PPM1H: variants seen among roughly 807,000 people sequenced by gnomAD.
PPM1H encodes the protein protein phosphatase, Mg2+/Mn2+ dependent 1H, also known as protein phosphatase 1H.
PPM1H carries 27 observed loss-of-function variants against 54.9 expected under a neutral mutation model. The ratio of observed to expected loss-of-function variants is 0.49; its 90% CI spans 0.36 to 0.68. The LOEUF is 0.68. Among genes scored for constraint, PPM1H ranks in the 30% least tolerant of loss-of-function variants. The probability of loss-of-function intolerance (pLI) is 0.00; values close to 1 mark genes in which losing one functional copy is unlikely to be tolerated. For synonymous variants in PPM1H, 305 were observed against 270.8 expected (o/e 1.13, Z -1.24); for missense variants, 596 against 667.8 (o/e 0.89, Z 1.19).
intron 9 of PPM1H, among the ~76,000 whole-genome samples, chr12:62,660,597 G>A (rs1395373069): frequency 6.6e-6 from 1 of 152,180 alleles, no homozygotes; most frequent in Non-Finnish European, 1.5e-5. Context: ...GGAAAGGACA[G>A]TCTCTTCAAT....
chr12:62,727,688 TCTCA>T (rs1345582517), intron 5 of PPM1H, among the ~76,000 whole-genome samples: 1 of 138,282 alleles, frequency 7.2e-6, no homozygotes, highest in Non-Finnish European at 1.6e-5. Flanking sequence ...TGAGGTGGAT[TCTCA>T]CTCTGTTGCC....
chr12:62,778,930 G>A lies in PPM1H; in HGVS notation c.869+9296C>T, dbSNP rs540497781. On this transcript the variant is annotated intron_variant, in intron 4 of 9. Coordinates refer to ENST00000228705, the MANE Select transcript of PPM1H (RefSeq NM_020700.2). ...TTGTGACAGAGTAAGACTCTGTCTC[G>A]AAAGGAAAGGAAAAAGGAAAGAAAA... Among the ~76,000 whole-genome samples the A allele has an allele frequency of 3.0e-3, 451 of 151,314 alleles. 9 individuals carry two copies. Among genetic ancestry groups the A allele is most frequent in the Admixed American group, 0.027 (408 of 15,180 alleles).
At position 62,912,375 on chromosome 12, in the gene PPM1H, G is replaced by A. The variant is rs150306155; in HGVS notation, c.245+22117C>T. On this transcript the variant is annotated intron_variant, in intron 1 of 9. Coordinates refer to ENST00000228705, the MANE Select transcript of PPM1H (RefSeq NM_020700.2). Reference sequence around the variant, plus strand: ...GATGTTTATTTTTCATTCACTCTACGCGTCCATTTCAGGTTGGCTCCGTGT... The same window carrying A: ...GATGTTTATTTTTCATTCACTCTACACGTCCATTTCAGGTTGGCTCCGTGT... Among the ~76,000 whole-genome samples the A allele has an allele frequency of 9.2e-5, 14 of 152,144 alleles. No individual in the cohort carries two copies. The East Asian group carries it at 1.4e-3, about 15-fold the overall frequency.
At chr12:62,720,531 T>C (rs1284215534) in intron 5 of PPM1H, 9 of 468,618 alleles carry the variant, frequency 1.9e-5, no homozygotes, top group Non-Finnish European at 3.5e-5. Flanking sequence ...ACCAAATGCA[T>C]AGCTGAAGGG....
chr12:62,874,746 T>C (rs1474649518), intron 1 of PPM1H, among the ~76,000 whole-genome samples: 1 of 152,250 alleles, frequency 6.6e-6, no homozygotes. Context: ...CAAATGTCTT[T>C]TTCTTTCAAA....
intron 7 of PPM1H, among the ~76,000 whole-genome samples, chr12:62,690,173 G>C (rs987343911): frequency 6.6e-6 from 1 of 151,660 alleles, no homozygotes; most frequent in African/African-American, 2.4e-5. Flanking sequence ...AGGATTGATC[G>C]ATCCATCCAT....
chr12:62,755,877 T>TGGGCAAGGTC (rs2076471264), intron 4 of PPM1H: 5 of 784,274 alleles, frequency 6.4e-6, no homozygotes, highest in African/African-American at 3.4e-5. Context: ...GCTAAGGTTG[T>TGGGCAAGGTC]GGGCAAGGTC....
At chr12:62,829,655 T>C (rs541077634) in intron 2 of PPM1H, among the ~76,000 whole-genome samples, 1 of 152,306 alleles carries the variant, frequency 6.6e-6, no homozygotes, top group East Asian at 1.9e-4. Context: ...GCTGGTCCCT[T>C]GCTCTTGAAG....
intron 1 of PPM1H, among the ~76,000 whole-genome samples, chr12:62,882,465 C>T (rs1248231375): frequency 6.6e-6 from 1 of 152,258 alleles, no homozygotes; most frequent in Non-Finnish European, 1.5e-5. Context: ...AAAGCCCCTC[C>T]AGTCCCAGAT....
chr12:62,755,381 G>A, intron 4 of PPM1H: 1 of 795,378 alleles, frequency 1.3e-6, no homozygotes, highest in Non-Finnish European at 2.2e-6. Flanking sequence ...GATTTTGTCT[G>A]TGGCAAATTC....
chr12:62,897,670 T>A (rs893061950), intron 1 of PPM1H, among the ~76,000 whole-genome samples: 3 of 152,124 alleles, frequency 2.0e-5, no homozygotes, highest in Admixed American at 2.0e-4. Context: ...ACACCCAGCC[T>A]TGGCATGGCA....
chr12:62,883,111 G>A (rs1336172186), intron 1 of PPM1H, among the ~76,000 whole-genome samples: 2 of 152,122 alleles, frequency 1.3e-5, no homozygotes, highest in Non-Finnish European at 2.9e-5. Flanking sequence ...CCAGCACCTA[G>A]CCCTGAATCT....
intron 1 of PPM1H, among the ~76,000 whole-genome samples, chr12:62,851,769 C>A (rs1440729267): frequency 3.3e-5 from 5 of 151,944 alleles, no homozygotes; most frequent in African/African-American, 1.2e-4. Context: ...ATACTAGTTA[C>A]TTATTCTGAA....
intron 1 of PPM1H, among the ~76,000 whole-genome samples, chr12:62,931,485 TAAAC>T (rs769358248): frequency 2.6e-5 from 4 of 152,212 alleles, no homozygotes; most frequent in African/African-American, 4.8e-5. Flanking sequence ...TGCAGGAAGA[TAAAC>T]TAACAGTTCA....
chr12:62,705,077 C>T (rs754015376), intron 6 of PPM1H, among the ~76,000 whole-genome samples: 8 of 152,130 alleles, frequency 5.3e-5, no homozygotes, highest in Admixed American at 2.6e-4. Flanking sequence ...GAGGTTTCAC[C>T]GGTGGTAAGA....
Position 62,838,324 on chromosome 12 carries a change from A to AGT in PPM1H, c.246-6047_246-6046dup, listed in dbSNP as rs372368850. On this transcript the variant is annotated intron_variant, in intron 1 of 9. Transcript: ENST00000228705. ...AACTAGGAGGTAGACAGTAAAATAC[A>AGT]GTGTGTGTGTGTGTGGGGGGGGGGA... is the stretch of plus-strand genomic sequence containing the variant. Among the ~76,000 whole-genome samples the AGT allele has an allele frequency of 8.4e-3, 961 of 113,752 alleles. 23 individuals carry two copies. The highest frequency in any genetic ancestry group is 0.01 in the Non-Finnish European group (615 of 58,818). The allele number at this position is 113,752 out of a possible 152,430, so 74.6% of individuals were successfully genotyped here.
intron 2 of PPM1H, among the ~76,000 whole-genome samples, chr12:62,813,916 T>C (rs1198016664): frequency 2.0e-5 from 3 of 151,210 alleles, no homozygotes; most frequent in African/African-American, 7.4e-5. Context: ...TTAGCTGTTG[T>C]TATTTTAAAA....
intron 1 of PPM1H, among the ~76,000 whole-genome samples, chr12:62,897,403 A>T (rs996136266): frequency 2.0e-5 from 3 of 152,168 alleles, no homozygotes; most frequent in Non-Finnish European, 4.4e-5. Context: ...TTTAAATTTT[A>T]TTTTCGTGGA....
At chr12:62,903,493 T>C (rs562839266) in intron 1 of PPM1H, among the ~76,000 whole-genome samples, 1 of 152,212 alleles carries the variant, frequency 6.6e-6, no homozygotes, top group Non-Finnish European at 1.5e-5. Context: ...ATAACAATGA[T>C]GAATAAAATT....
Sources: allele counts gnomAD v4.1 joint callset (sites outside exome capture counted in the v4.1 genomes callset), GRCh38; gene constraint gnomAD v4.1.1; transcripts MANE v1.5; gene names NCBI Gene and HGNC (gene_info 2026-07-23, HGNC 2026-07-21).